Variants in GABBR1 observed in about 807,000 individuals in gnomAD.
The protein encoded by GABBR1 is gamma-aminobutyric acid type B receptor subunit 1, also known as GABA-B receptor, R1 subunit.
In GABBR1, 35 loss-of-function variants were observed where a neutral mutation model predicts 117.7. The observed-to-expected ratio is 0.30, with a 90% CI of 0.23 to 0.39. GABBR1 has a LOEUF of 0.39. GABBR1 is among the 10% of genes least tolerant of loss of function. GABBR1 has a pLI of 1.00. For synonymous variants in GABBR1, 442 were observed against 486.6 expected, an observed-to-expected ratio of 0.91 and a Z score of 1.21; for missense variants, 709 against 1,241.8, an observed-to-expected ratio of 0.57 and a Z score of 6.45.
At position 29,608,725 on chromosome 6, in the gene GABBR1, T is replaced by C; in HGVS notation, c.1868A>G (p.Gln623Arg). The C allele has an allele frequency of 6.8e-6, 11 of 1,613,028 alleles. No homozygotes were observed. Among genetic ancestry groups the C allele is most frequent in the Non-Finnish European group, 8.5e-6 (10 of 1,180,000 alleles). The part of the protein sequence containing the change: ...NIYNSHVRYI[Q>R]NSQPNLNNLT... ...GTTGTTCAGGTTGGGCTGTGAGTTC[T>C]GGATATAACTAGGGCAGAGGTGGAG... The change falls in exon 16 of 23, where the codon CAG becomes CGG. Residue 623 changes from glutamine (Q) to arginine (R), a missense_variant. Gln to Arg is a conservative substitution (Grantham distance 43). Coordinates refer to ENST00000377034, the MANE Select transcript of GABBR1 (RefSeq NM_001470.4).
chr6:29,632,737 T>C lies in GABBR1; in HGVS notation c.-1+113A>G. ...TCCCCGATTCCATCCCCGCGGTTCC[T>C]CCTCTCCCCCAGCCCCGCTTCCCCC... On this transcript the variant is annotated intron_variant, in intron 1 of 22. Coordinates refer to ENST00000377034, the MANE Select transcript of GABBR1 (RefSeq NM_001470.4). The surrounding 1 kb of genome is among the most constrained non-coding windows in gnomAD (Gnocchi z 5.8). 1 of 1,226,154 alleles carries C rather than the reference T, an allele frequency of 8.2e-7. No individual in the cohort carries two copies. Among genetic ancestry groups the C allele is most frequent in the Non-Finnish European group, 1.0e-6 (1 of 965,138 alleles). The allele number at this position is 1,226,154 out of a possible 1,614,324, so 76.0% of individuals were successfully genotyped here.
intron 16 of GABBR1, 77 bp downstream of exon 16, chr6:29,608,524 T>C (rs982657954): frequency 4.8e-6 from 7 of 1,461,296 alleles, no homozygotes; most frequent in Non-Finnish European, 3.8e-6. Context: ...GGGCAGAGAA[T>C]CATAAATCAT....
In GABBR1 at chr6:29,608,659, A is replaced by C. The variant is rs1333206757; in HGVS notation, c.1934T>G (p.Phe645Cys). ...VGCSLALAAV[F>C]PLGLDGYHIG... ...GTGGTAACCATCGAGCCCCAGGGGG[A>C]AGACAGCAGCTAAAGCCAGTGAGCA... Residue 645 changes from phenylalanine to cysteine, a missense_variant, in exon 16 of 23, where the codon TTC becomes TGC. Physicochemically the swap from Phe to Cys is radical, Grantham distance 205. This residue lies in a region of GABBR1 where 251 missense variants were observed against 445.3 expected (regional missense o/e 0.56). Coordinates refer to ENST00000377034, the MANE Select transcript of GABBR1 (RefSeq NM_001470.4). 1 of 1,612,986 alleles carries C rather than the reference A, an allele frequency of 6.2e-7. No homozygotes were observed. The highest frequency in any genetic ancestry group is 8.5e-7 in the Non-Finnish European group (1 of 1,179,984).
intron 14 of GABBR1, 40 bp downstream of exon 14, chr6:29,610,884 C>T (rs377594435): frequency 3.9e-6 from 6 of 1,546,994 alleles, no homozygotes; most frequent in Middle Eastern, 1.7e-4. Context: ...CCTTGACTGT[C>T]GAGAGGGGCT....
At chr6:29,626,257 C>G (rs763906542) in intron 6 of GABBR1, among the ~76,000 whole-genome samples, 1 of 152,142 alleles carries the variant, frequency 6.6e-6, no homozygotes, top group African/African-American at 2.4e-5. Flanking sequence ...CACACCTATC[C>G]CAGACACACA....
At position 29,623,469 on chromosome 6, in the gene GABBR1, A is replaced by G; in HGVS notation, c.799T>C (p.Tyr267His). Residue 267 changes from tyrosine to histidine, a missense_variant, in exon 8 of 23, where the codon TAT becomes CAT. This residue lies in a region of GABBR1 where 192 missense variants were observed against 418.4 expected (regional missense o/e 0.46). Transcript: ENST00000377034. The surrounding 1 kb of genome is among the most constrained non-coding windows in gnomAD (Gnocchi z 6.2). ...ARMWNLIVLS[Y>H]GSSSPALSNR... The stretch of plus-strand genomic sequence containing the variant: ...GACAGGGCTGGTGAGCTGGAGCCAT[A>G]GGAAAGCTGTGGGGCAGGGAGAGTG... 1 of 1,613,364 alleles carries G rather than the reference A, an allele frequency of 6.2e-7. No homozygotes were observed. The highest frequency in any genetic ancestry group is 8.5e-7 in the Non-Finnish European group (1 of 1,179,966).
In GABBR1 at chr6:29,607,127, T is replaced by A; in HGVS notation, c.2084A>T (p.Lys695Met). 1 of 1,614,156 alleles carries A rather than the reference T, an allele frequency of 6.2e-7. No homozygotes were observed. The highest frequency in any genetic ancestry group is 1.1e-5 in the South Asian group (1 of 91,080). ...IWWVHTVFTKKEEKKEWRKTL... is the reference protein window; with the variant it reads ...IWWVHTVFTKMEEKKEWRKTL... ...CTTCCTCCACTCCTTCTTTTCTTCC[T>A]TCTTTGTGAAGACCGTGTGGACCCA... The change falls in exon 17 of 23, where the codon AAG becomes ATG. Residue 695 changes from lysine to methionine, a missense_variant. Lys to Met is a moderately conservative substitution (Grantham distance 95). This residue lies in a region of GABBR1 where 251 missense variants were observed against 445.3 expected (regional missense o/e 0.56). Coordinates refer to ENST00000377034, the MANE Select transcript of GABBR1 (RefSeq NM_001470.4). The surrounding 1 kb of genome is among the most constrained non-coding windows in gnomAD (Gnocchi z 5.0).
chr6:29,629,187 C>T, intron 4 of GABBR1, 80 bp from the exon 5 acceptor site: 2 of 1,493,992 alleles, frequency 1.3e-6, no homozygotes, highest in Non-Finnish European at 1.9e-6. Flanking sequence ...AGCCCCCTCC[C>T]ACACCTGTCC....
intron 5 of GABBR1, 143 bp downstream of exon 5, chr6:29,628,944 G>C: frequency 1.2e-6 from 1 of 848,066 alleles, no homozygotes; most frequent in East Asian, 2.5e-5. Context: ...GGGAGGGAAG[G>C]GGGTGGCCGC....
At position 29,602,628 on chromosome 6, in the gene GABBR1, T is replaced by G; in HGVS notation, c.*915A>C. On this transcript the variant is annotated 3_prime_UTR_variant, in exon 23 of 23. Transcript: ENST00000377034. ...GAAAAGTGCATAACAATGTGCAGGGTAGGGTACATATGGCTCTGTCAGAAG... is the reference window on the plus strand; with the variant it reads ...GAAAAGTGCATAACAATGTGCAGGGGAGGGTACATATGGCTCTGTCAGAAG... 8.3e-6 allele frequency: 2 copies of G among 240,150 alleles called. No homozygotes were observed. The highest frequency in any genetic ancestry group is 1.7e-5 in the Non-Finnish European group (2 of 121,048). The allele number at this position is 240,150 out of a possible 1,614,324, so 14.9% of individuals were successfully genotyped here. A position where few individuals can be genotyped will look rare whatever the true frequency, so the allele number is the denominator to read the frequency against.
rs767321697 is a variant in GABBR1, at chr6:29,631,349, G to A, written c.289+47C>T. ...AGCAGTAATGCTAAGTTTGCGGCAG[G>A]AAAAGGAATAGTCTTGAAGAGGGGA... On this transcript the variant is annotated intron_variant, in intron 3 of 22. Transcript: ENST00000377034. This position sits in a 1 kb window ranked among gnomAD's most constrained non-coding sequence, Gnocchi z 5.9. 1.3e-6 allele frequency: 2 copies of A among 1,572,812 alleles called. No homozygotes were observed. Among genetic ancestry groups the A allele is most frequent in the African/African-American group, 2.7e-5 (2 of 74,180 alleles).
chr6:29,615,154 G>A (rs547702660), intron 11 of GABBR1, among the ~76,000 whole-genome samples: 1 of 151,868 alleles, frequency 6.6e-6, no homozygotes, highest in African/African-American at 2.4e-5. Context: ...GCATGGTGGT[G>A]TGCACTTGCA....
Position 29,621,891 on chromosome 6 carries a change from G to T in GABBR1, c.1066-74C>A. On this transcript the variant is annotated intron_variant, in intron 9 of 22. Coordinates refer to ENST00000377034, the MANE Select transcript of GABBR1 (RefSeq NM_001470.4). The surrounding 1 kb of genome is among the most constrained non-coding windows in gnomAD (Gnocchi z 5.0). ...AGGGGCTAAGCCAGATGTCTTCACA[G>T]CTTTGATTTCCCATCCCAAAGTGCT... 1 of 1,462,804 alleles carries T rather than the reference G, an allele frequency of 6.8e-7. No individual in the cohort carries two copies. Among genetic ancestry groups the T allele is most frequent in the Non-Finnish European group, 9.6e-7 (1 of 1,046,672 alleles). 90.6% of individuals were successfully genotyped at this position (1,462,804 alleles called of 1,614,324 possible).
chr6:29,630,250 G>A lies in GABBR1; in HGVS notation c.475+208C>T, dbSNP rs988135856. 4.3e-6 allele frequency: 2 copies of A among 463,396 alleles called. No homozygotes were observed. The highest frequency in any genetic ancestry group is 3.9e-5 in the African/African-American group (2 of 51,886). 28.7% of individuals were successfully genotyped at this position (463,396 alleles called of 1,614,324 possible). On this transcript the variant is annotated intron_variant, in intron 4 of 22. Coordinates refer to ENST00000377034, the MANE Select transcript of GABBR1 (RefSeq NM_001470.4). This position sits in a 1 kb window ranked among gnomAD's most constrained non-coding sequence, Gnocchi z 4.9. ...AGATTTTTTTAAAAGGTAAAGGAAG[G>A]AAGCCCCCAACCTACAGAGGATACC...
chr6:29,632,986 A>C lies in GABBR1; in HGVS notation c.-137T>G, dbSNP rs1765171710. 5.7e-6 allele frequency: 1 copy of C among 175,056 alleles called. No homozygotes were observed. The highest frequency in any genetic ancestry group is 1.2e-5 in the Non-Finnish European group (1 of 80,808). The allele number at this position is 175,056 out of a possible 1,614,324, so 10.8% of individuals were successfully genotyped here. On this transcript the variant is annotated 5_prime_UTR_variant, in exon 1 of 23. Coordinates refer to ENST00000377034, the MANE Select transcript of GABBR1 (RefSeq NM_001470.4). This position sits in a 1 kb window ranked among gnomAD's most constrained non-coding sequence, Gnocchi z 5.8. ...CCTCCTCCCCTCGAATCCAGGCTCCAGCCTGGCCAGGGTCTCTCCCCTCCT... is the reference window on the plus strand; with the variant it reads ...CCTCCTCCCCTCGAATCCAGGCTCCCGCCTGGCCAGGGTCTCTCCCCTCCT...
rs1562122012 is a variant in GABBR1 at position 29,627,780 on chromosome 6, C to T, written c.497-134G>A. The T allele has an allele frequency of 4.8e-6, 7 of 1,458,444 alleles. No homozygotes were observed. The highest frequency in any genetic ancestry group is 2.5e-5 in the East Asian group (1 of 39,678). 90.3% of individuals were successfully genotyped at this position (1,458,444 alleles called of 1,614,324 possible). On this transcript the variant is annotated intron_variant, in intron 5 of 22. Coordinates refer to ENST00000377034, the MANE Select transcript of GABBR1 (RefSeq NM_001470.4). The surrounding 1 kb of genome is among the most constrained non-coding windows in gnomAD (Gnocchi z 4.4). Reference sequence around the variant, plus strand: ...GCCACCCCACCCGGGCAAAAGGGGCCCCGGGCCCCATGGCGTGGGGGGCAG... The same window carrying T: ...GCCACCCCACCCGGGCAAAAGGGGCTCCGGGCCCCATGGCGTGGGGGGCAG...
At chr6:29,625,087 T>C (rs1656727239) in intron 6 of GABBR1, among the ~76,000 whole-genome samples, 1 of 151,836 alleles carries the variant, frequency 6.6e-6, no homozygotes, top group African/African-American at 2.4e-5. Flanking sequence ...CGGTGGGAAG[T>C]TGGAGAAGGG....
Position 29,620,867 on chromosome 6 carries a change from C to CTGTTG in GABBR1, c.1323+233_1323+234insCAACA, listed in dbSNP as rs1763677056. Among the ~76,000 whole-genome samples the CTGTTG allele has an allele frequency of 6.6e-6, 1 of 151,876 alleles. No individual in the cohort carries two copies. The highest frequency in any genetic ancestry group is 1.5e-5 in the Non-Finnish European group (1 of 67,972). On this transcript the variant is annotated intron_variant, in intron 11 of 22. Transcript: ENST00000377034. The surrounding 1 kb of genome is among the most constrained non-coding windows in gnomAD (Gnocchi z 4.5). ...AACAGCCCTTCCACTCATCAGGAAC[C>CTGTTG]TACTGAACATACAACTCCATCGTTT...
intron 4 of GABBR1, among the ~76,000 whole-genome samples, chr6:29,629,679 G>A (rs1482559086): frequency 6.6e-6 from 1 of 152,098 alleles, no homozygotes. Context: ...GGAAAGTAAA[G>A]CCCAAGGATC....
Sources: gnomAD v4.1 joint callset for allele counts (sites outside exome capture counted in the v4.1 genomes callset) on GRCh38, gnomAD v4.1.1 for gene constraint, gnomAD v4.1.1 regional missense constraint, Gnocchi (gnomAD v3.1) non-coding constraint, MANE v1.5 for transcripts, NCBI Gene and HGNC (gene_info 2026-07-23, HGNC 2026-07-21) for gene names.